The following CUX1 variants were observed in gnomAD, a reference collection of about 807,000 sequenced individuals.
CUX1 encodes protein CASP.
In CUX1, 31 loss-of-function variants were observed where a neutral mutation model predicts 158.8. The ratio of observed to expected loss-of-function variants is 0.20; its 90% confidence interval spans 0.15 to 0.26. The LOEUF (loss-of-function observed/expected upper bound fraction) is 0.26. Among genes scored for constraint, CUX1 ranks in the 10% least tolerant of loss-of-function variants. The probability of loss-of-function intolerance (pLI) is 1.00; values close to 1 mark genes in which losing one functional copy is unlikely to be tolerated. For synonymous variants in CUX1, 879 were observed against 862.1 expected, an observed-to-expected ratio of 1.02 and a Z score of -0.34; for missense variants, 1,589 against 2,014.6, an observed-to-expected ratio of 0.79 and a Z score of 4.04.
At chr7:102,069,113 C>T (rs962426554) in intron 3 of CUX1, among the ~76,000 whole-genome samples, 3 of 152,172 alleles carry the variant, frequency 2.0e-5, no homozygotes, top group Non-Finnish European at 4.4e-5. Context: ...CTCTCCTCCT[C>T]CTCGACACCC....
intron 3 of CUX1, among the ~76,000 whole-genome samples, chr7:102,035,972 A>G (rs1413055090): frequency 6.6e-6 from 1 of 152,144 alleles, no homozygotes; most frequent in African/African-American, 2.4e-5. Flanking sequence ...CCCGGATTCA[A>G]GGTTATCTCC....
intron 1 of CUX1, among the ~76,000 whole-genome samples, chr7:101,831,818 T>C (rs1450823177): frequency 1.3e-5 from 2 of 151,880 alleles, no homozygotes; most frequent in Non-Finnish European, 2.9e-5. Flanking sequence ...TATAGCTCAC[T>C]GCAGCTTTGA....
chr7:101,900,551 A>G (rs569122020), intron 1 of CUX1, among the ~76,000 whole-genome samples: 7 of 152,224 alleles, frequency 4.6e-5, no homozygotes, highest in Non-Finnish European at 7.3e-5. Context: ...CTCCGGATGA[A>G]CTTGCTCTGC....
intron 1 of CUX1, among the ~76,000 whole-genome samples, chr7:101,885,616 C>A (rs1392148277): frequency 6.6e-6 from 1 of 152,040 alleles, no homozygotes; most frequent in Non-Finnish European, 1.5e-5. Flanking sequence ...AGGCCCAGGC[C>A]GCAGGGTCCC....
At chr7:102,140,864 C>CAA (rs61268006) in intron 8 of CUX1, among the ~76,000 whole-genome samples, 19 of 105,118 alleles carry the variant, frequency 1.8e-4, no homozygotes, top group South Asian at 9.2e-4. Flanking sequence ...GACTTCGTCT[C>CAA]AAAAAAAAAA....
chr7:101,964,460 C>T (rs1168832661), intron 2 of CUX1, among the ~76,000 whole-genome samples: 1 of 152,156 alleles, frequency 6.6e-6, no homozygotes, highest in African/African-American at 2.4e-5. Context: ...TTGATGTTAT[C>T]GGCCCTGAGG....
intron 5 of CUX1, among the ~76,000 whole-genome samples, chr7:102,103,209 C>T (rs902935298): frequency 6.6e-5 from 10 of 152,174 alleles, no homozygotes; most frequent in Non-Finnish European, 7.3e-5. Flanking sequence ...CCCCAGGCTA[C>T]GGCACCCTCT....
At position 102,159,492 on chromosome 7, in the gene CUX1, C is replaced by T. The variant is rs544458103; in HGVS notation, c.723+884C>T. Among the ~76,000 whole-genome samples, 33 of 152,320 alleles carry T rather than the reference C, an allele frequency of 2.2e-4. No homozygotes were observed. The East Asian group carries it at 4.0e-3, about 19-fold the overall frequency. On this transcript the variant is annotated intron_variant, in intron 9 of 23. Coordinates refer to ENST00000292535, the MANE Select transcript of CUX1 (RefSeq NM_181552.4). ...TGGAAAATTCAGCCATCCCCAAAAC[C>T]CCTTCCTCCCCCCAGGAGCCCACAG...
chr7:102,225,570 A>G (rs1206754978), intron 20 of CUX1, among the ~76,000 whole-genome samples: 5 of 152,194 alleles, frequency 3.3e-5, no homozygotes, highest in Non-Finnish European at 4.4e-5. Flanking sequence ...AAGCAGCAAG[A>G]GTAAGACCCT....
chr7:102,029,508 C>G (rs1259388364), intron 3 of CUX1, among the ~76,000 whole-genome samples: 2 of 152,092 alleles, frequency 1.3e-5, no homozygotes, highest in African/African-American at 4.8e-5. Context: ...AATTCATCAA[C>G]TGGGAGCGAG....
chr7:102,280,173 C>A (rs1387686281), intron 19 of CUX1: 5 of 1,199,890 alleles, frequency 4.2e-6, no homozygotes, highest in South Asian at 1.2e-5. Context: ...CCCAGGGAAG[C>A]CCAGGGGTCC....
rs139050177 is a variant in CUX1 at position 102,201,438 on chromosome 7, G to T, written c.2141G>T (p.Arg714Leu). 1 of 1,614,074 alleles carries T rather than the reference G, an allele frequency of 6.2e-7. No individual in the cohort carries two copies. Among genetic ancestry groups the T allele is most frequent in the Non-Finnish European group, 8.5e-7 (1 of 1,180,030 alleles). ...DAIRSILQQA[R>L]REMEAQQAAL... Reference sequence around the variant, plus strand: ...ATCCGCTCCATCCTGCAGCAAGCCCGCCGGGAGATGGAGGCCCAGCAGGCT... The same window carrying T: ...ATCCGCTCCATCCTGCAGCAAGCCCTCCGGGAGATGGAGGCCCAGCAGGCT... The change falls in exon 18 of 24, where the codon CGC (arginine) becomes CTC (leucine). Residue 714 changes from arginine to leucine, a missense_variant. Arg to Leu is a moderately radical substitution (Grantham distance 102). Around this residue, in one of 8 missense-constraint regions of CUX1, gnomAD observed 337 missense variants for 409.3 expected, o/e 0.82. Transcript: ENST00000292535. The surrounding 1 kb of genome is among the most constrained non-coding windows in gnomAD (Gnocchi z 5.0).
chr7:102,191,322 C>T (rs1431876394), intron 12 of CUX1, among the ~76,000 whole-genome samples: 1 of 152,234 alleles, frequency 6.6e-6, no homozygotes, highest in Non-Finnish European at 1.5e-5. Context: ...CAACCTCCGC[C>T]TCCCGAGTTC....
chr7:102,281,849 G>T (rs1554549343), exon 21 of CUX1: 1 of 1,612,850 alleles, frequency 6.2e-7, no homozygotes, highest in African/African-American at 1.3e-5. Flanking sequence ...GGGGCGTCTG[G>T]TTCTCTCCAA....
intron 17 of CUX1, 63 bp downstream of exon 17, chr7:102,200,235 T>C: frequency 7.3e-7 from 1 of 1,362,790 alleles, no homozygotes; most frequent in East Asian, 2.4e-5. Flanking sequence ...TCATGAGTGC[T>C]CTGGTCAGCA....
At chr7:102,002,789 T>G (rs1279868620) in intron 2 of CUX1, among the ~76,000 whole-genome samples, 1 of 152,156 alleles carries the variant, frequency 6.6e-6, no homozygotes, top group Non-Finnish European at 1.5e-5. Context: ...CCTCCATCCC[T>G]AGCACCGTAT....
chr7:102,274,926 A>C (rs1185636746), intron 16 of CUX1, among the ~76,000 whole-genome samples: 1 of 152,130 alleles, frequency 6.6e-6, no homozygotes, highest in Non-Finnish European at 1.5e-5. Flanking sequence ...GACAGCTGCA[A>C]GGGTCTCAGA....
At chr7:102,227,911 G>A (rs1798512316) in intron 21 of CUX1, among the ~76,000 whole-genome samples, 1 of 151,176 alleles carries the variant, frequency 6.6e-6, no homozygotes, top group East Asian at 2.0e-4. Flanking sequence ...TGGAGTCAGA[G>A]TGGACTCGGG....
At chr7:102,002,337 G>A (rs868431744) in intron 2 of CUX1, among the ~76,000 whole-genome samples, 12 of 152,078 alleles carry the variant, frequency 7.9e-5, no homozygotes, top group Non-Finnish European at 1.3e-4. Context: ...TGTGTGTGTG[G>A]TTGCAACTTT....
Sources: allele counts gnomAD v4.1 joint callset (sites outside exome capture counted in the v4.1 genomes callset), GRCh38; gene constraint gnomAD v4.1.1; regional missense constraint gnomAD v4.1.1; non-coding constraint Gnocchi (gnomAD v3.1); transcripts MANE v1.5; gene names NCBI Gene and HGNC (gene_info 2026-07-23, HGNC 2026-07-21).